The following PDE1A variants were observed in gnomAD, a reference collection of about 807,000 sequenced individuals.
PDE1A encodes phosphodiesterase 1A.
PDE1A carries 35 observed loss-of-function variants against 61.7 expected under a neutral mutation model. That is an observed-to-expected ratio of 0.57 (90% CI 0.43 to 0.75). PDE1A has a LOEUF of 0.75. Ranked by LOEUF, PDE1A falls within the 30% of genes least tolerant of loss-of-function variation. PDE1A has a pLI of 0.00. For missense variants in PDE1A, 597 were observed against 630.6 expected (o/e 0.95, Z 0.57); for synonymous variants, 232 against 213.2 (o/e 1.09, Z -0.77).
intron 2 of PDE1A, among the ~76,000 whole-genome samples, chr2:182,465,273 C>T (rs1325709503): frequency 6.6e-6 from 1 of 151,972 alleles, no homozygotes; most frequent in Non-Finnish European, 1.5e-5. Context: ...TGCTTTCATC[C>T]AATAATATTG....
exon 11 of PDE1A, chr2:182,189,015 C>T: frequency 6.2e-7 from 1 of 1,613,290 alleles, no homozygotes; most frequent in Non-Finnish European, 8.5e-7. Flanking sequence ...GACTTCCGAT[C>T]ACAAAGTGGG....
intron 1 of PDE1A, among the ~76,000 whole-genome samples, chr2:182,405,820 A>AT: frequency 6.6e-6 from 1 of 152,290 alleles, no homozygotes; most frequent in Non-Finnish European, 1.5e-5. Context: ...TCTTAATGAG[A>AT]TAAATTTGAT....
chr2:182,564,122 G>A, the PDE1A span, among the ~76,000 whole-genome samples: 7 of 151,864 alleles, frequency 4.6e-5, no homozygotes, highest in East Asian at 5.9e-4. Flanking sequence ...TATTTTGCTC[G>A]TTAGTTGATG....
intron 2 of PDE1A, among the ~76,000 whole-genome samples, chr2:182,437,966 T>C (rs1684547452): frequency 6.6e-6 from 1 of 151,920 alleles, no homozygotes; most frequent in Non-Finnish European, 1.5e-5. Flanking sequence ...GTACACATTG[T>C]TTCAGTATAG....
chr2:182,356,687 T>C (rs183337300), intron 1 of PDE1A, among the ~76,000 whole-genome samples: 1,805 of 152,102 alleles, frequency 0.012, 40 homozygotes, highest in African/African-American at 0.041. Context: ...TGAGCCAAGA[T>C]GGCGCCACTG....
At chr2:182,682,788 ATGT>A in the PDE1A span, among the ~76,000 whole-genome samples, 7 of 152,296 alleles carry the variant, frequency 4.6e-5, no homozygotes, top group South Asian at 2.1e-4. Flanking sequence ...AGTTAAATGA[ATGT>A]TGTTGTTGTT....
At chr2:182,217,542 A>G (rs1688303773) in intron 7 of PDE1A, among the ~76,000 whole-genome samples, 1 of 147,530 alleles carries the variant, frequency 6.8e-6, no homozygotes. Context: ...TAATATCCAG[A>G]CTCTACAATG....
intron 1 of PDE1A, among the ~76,000 whole-genome samples, chr2:182,307,711 CA>C (rs542352164): frequency 3.3e-5 from 5 of 150,854 alleles, no homozygotes; most frequent in South Asian, 2.1e-4. Context: ...CCATCTCTAC[CA>C]AAAAAAAATG....
chr2:182,386,475 G>A lies in PDE1A; in HGVS notation c.53+40103C>T, dbSNP rs905066527. Among the ~76,000 whole-genome samples the A allele has an allele frequency of 6.7e-4, 101 of 151,594 alleles. 1 individual carries two copies. Among genetic ancestry groups the A allele is most frequent in the South Asian group, 2.3e-3 (11 of 4,782 alleles). On this transcript the variant is annotated intron_variant, in intron 1 of 13. Coordinates refer to ENST00000351439, the Ensembl canonical transcript of PDE1A. ...CCCCGGCGCCCTGTCTGGGATGTGA[G>A]GAGCGCCTCTGCCCGGCCGCGACCC...
At chr2:182,636,742 T>C in the PDE1A span, among the ~76,000 whole-genome samples, 50 of 152,320 alleles carry the variant, frequency 3.3e-4, no homozygotes, top group African/African-American at 1.0e-3. Context: ...GCTTAGAGTC[T>C]CACAGGATGC....
the PDE1A span, among the ~76,000 whole-genome samples, chr2:182,568,616 G>GCTTGC: frequency 6.6e-6 from 1 of 151,858 alleles, no homozygotes; most frequent in African/African-American, 2.4e-5. Flanking sequence ...AGTGAGCCGA[G>GCTTGC]ATCACACCAC....
chr2:182,512,231 C>T (rs373624496), intron 2 of PDE1A, among the ~76,000 whole-genome samples: 41 of 152,178 alleles, frequency 2.7e-4, no homozygotes, highest in African/African-American at 9.4e-4. Context: ...CTGGAAACAC[C>T]TCAGCCCCTC....
the PDE1A span, among the ~76,000 whole-genome samples, chr2:182,700,721 C>CAAAAAAAAAAAAAAAAAAAAAAAA: frequency 6.7e-4 from 16 of 23,998 alleles, no homozygotes; most frequent in East Asian, 2.8e-3. Flanking sequence ...GACTCCATCT[C>CAAAAAAAAAAAAAAAAAAAAAAAA]AAAAAAAAAA....
chr2:182,338,283 T>G (rs550524003), intron 1 of PDE1A, among the ~76,000 whole-genome samples: 22 of 152,328 alleles, frequency 1.4e-4, no homozygotes, highest in African/African-American at 5.1e-4. Flanking sequence ...CTCAGCTTTC[T>G]CATCTGTAAA....
At chr2:182,655,149 C>T in the PDE1A span, among the ~76,000 whole-genome samples, 4 of 152,252 alleles carry the variant, frequency 2.6e-5, no homozygotes, top group East Asian at 7.7e-4. Flanking sequence ...TTCCTTATTG[C>T]TTTAGTGAAT....
chr2:182,560,735 G>C, the PDE1A span, among the ~76,000 whole-genome samples: 3 of 151,958 alleles, frequency 2.0e-5, no homozygotes, highest in African/African-American at 4.8e-5. Context: ...GTTGTTTCCT[G>C]ACTTTTTAAT....
At chr2:182,356,373 A>G (rs1010166563) in intron 1 of PDE1A, among the ~76,000 whole-genome samples, 1 of 152,224 alleles carries the variant, frequency 6.6e-6, no homozygotes, top group Non-Finnish European at 1.5e-5. Flanking sequence ...TCTAAGTTTT[A>G]AAACGTAAAA....
chr2:182,444,200 T>TA (rs1684985752), intron 2 of PDE1A, among the ~76,000 whole-genome samples: 2 of 152,144 alleles, frequency 1.3e-5, no homozygotes, highest in Non-Finnish European at 2.9e-5. Flanking sequence ...AAGTTTTAAG[T>TA]TCCTTTGCCT....
chr2:182,148,533 C>T (rs1194310383), intron 13 of PDE1A, among the ~76,000 whole-genome samples: 1 of 152,166 alleles, frequency 6.6e-6, no homozygotes, highest in Non-Finnish European at 1.5e-5. Context: ...ACCCATGAAT[C>T]TCTGGCTTCT....
Sources: allele counts gnomAD v4.1 joint callset (sites outside exome capture counted in the v4.1 genomes callset), GRCh38; gene constraint gnomAD v4.1.1; transcripts MANE v1.5; gene names NCBI Gene and HGNC (gene_info 2026-07-23, HGNC 2026-07-21).